The following RUNX2 variants were observed in gnomAD, a reference collection of about 807,000 sequenced individuals.
RUNX2 encodes the protein runt-related transcription factor 2.
A neutral mutation model predicts 51.7 loss-of-function variants in RUNX2; 10 were observed. The observed-to-expected ratio is 0.19, with a 90% CI of 0.12 to 0.33. The LOEUF is 0.33. Ranked by LOEUF, RUNX2 falls within the 10% of genes least tolerant of loss-of-function variation. The pLI is 1.00. For synonymous variants in RUNX2, 276 were observed against 273.6 expected (o/e 1.01, Z -0.09); for missense variants, 562 against 691.3 (o/e 0.81, Z 2.10).
At chr6:45,409,382 C>T (rs1260419029) in intron 2 of RUNX2, among the ~76,000 whole-genome samples, 1 of 152,170 alleles carries the variant, frequency 6.6e-6, no homozygotes, top group Non-Finnish European at 1.5e-5. Flanking sequence ...TATTGATCTC[C>T]TGAGCCCTTA....
At chr6:45,383,184 C>G (rs1379498949) in intron 2 of RUNX2, among the ~76,000 whole-genome samples, 1 of 152,096 alleles carries the variant, frequency 6.6e-6, no homozygotes, top group Non-Finnish European at 1.5e-5. Context: ...CCTATAATTC[C>G]AGCACTTTGG....
intron 6 of RUNX2, among the ~76,000 whole-genome samples, chr6:45,512,001 T>C (rs941222149): frequency 8.5e-5 from 13 of 152,140 alleles, no homozygotes; most frequent in Non-Finnish European, 7.3e-5. Context: ...AGACAAATAG[T>C]CTTTATGCAT....
intron 5 of RUNX2, among the ~76,000 whole-genome samples, chr6:45,488,027 C>T (rs918665326): frequency 6.6e-6 from 1 of 152,026 alleles, no homozygotes; most frequent in Non-Finnish European, 1.5e-5. Flanking sequence ...TACAAGGAAT[C>T]AGGGGAGAGC....
At chr6:45,338,531 A>G (rs1789095044) in intron 2 of RUNX2, among the ~76,000 whole-genome samples, 1 of 152,118 alleles carries the variant, frequency 6.6e-6, no homozygotes, top group Non-Finnish European at 1.5e-5. Context: ...GGTAGCTGCC[A>G]GTAGGTAAAA....
intron 7 of RUNX2, among the ~76,000 whole-genome samples, chr6:45,519,900 T>C (rs1801452999): frequency 6.6e-6 from 1 of 151,340 alleles, no homozygotes; most frequent in Non-Finnish European, 1.5e-5. Context: ...TGATCTCGGC[T>C]CATGGCAACC....
intron 2 of RUNX2, among the ~76,000 whole-genome samples, chr6:45,369,312 ACCCAAACT>A (rs1795656333): frequency 1.3e-5 from 2 of 152,050 alleles, no homozygotes; most frequent in Non-Finnish European, 2.9e-5. Context: ...CTCTCAACCT[ACCCAAACT>A]CTACTGACCT....
intron 7 of RUNX2, among the ~76,000 whole-genome samples, chr6:45,518,213 T>C (rs1801391312): frequency 6.6e-6 from 1 of 152,244 alleles, no homozygotes; most frequent in Admixed American, 6.5e-5. Context: ...GTAACTCTTA[T>C]TTTGAAGAAG....
chr6:45,399,953 C>A (rs909836491), intron 2 of RUNX2, among the ~76,000 whole-genome samples: 1 of 125,948 alleles, frequency 7.9e-6, no homozygotes, highest in Non-Finnish European at 1.6e-5. Context: ...AAGATGAATT[C>A]ATTTTCTTTA....
intron 2 of RUNX2, among the ~76,000 whole-genome samples, chr6:45,403,774 G>A (rs1038488422): frequency 6.6e-6 from 1 of 152,094 alleles, no homozygotes; most frequent in African/African-American, 2.4e-5. Flanking sequence ...TGTGTGACTT[G>A]GGGGAAGAGG....
intron 2 of RUNX2, among the ~76,000 whole-genome samples, chr6:45,404,259 C>CAAAAAAA (rs34529128): frequency 5.5e-4 from 14 of 25,550 alleles, no homozygotes; most frequent in East Asian, 2.9e-3. Flanking sequence ...GACTCTGTCT[C>CAAAAAAA]AAAAAAAAAA....
chr6:45,447,148 G>C (rs142672272), intron 5 of RUNX2, among the ~76,000 whole-genome samples: 1 of 152,338 alleles, frequency 6.6e-6, no homozygotes, highest in East Asian at 1.9e-4. Flanking sequence ...GAAGATAGGG[G>C]AGGAGTGGTC....
rs193273777 is a variant in RUNX2, at chr6:45,393,602, G to A, written c.59-28991G>A. ...CCGCCACCACCCCGGCTAATTTTTCGTATTTTTAGTAGAGACGGGATTTCA... is the reference window on the plus strand; with the variant it reads ...CCGCCACCACCCCGGCTAATTTTTCATATTTTTAGTAGAGACGGGATTTCA... On this transcript the variant is annotated intron_variant, in intron 2 of 8. Transcript: ENST00000647337. Among the ~76,000 whole-genome samples the A allele has an allele frequency of 7.2e-3, 1,100 of 152,000 alleles. 10 individuals are homozygous for A. The highest frequency in any genetic ancestry group is 0.027 in the Middle Eastern group (8 of 292).
intron 5 of RUNX2, among the ~76,000 whole-genome samples, chr6:45,485,836 G>A (rs1800268342): frequency 6.6e-6 from 1 of 151,218 alleles, no homozygotes; most frequent in African/African-American, 2.4e-5. Flanking sequence ...AACCTTCAAG[G>A]ACAGGCATCA....
intron 2 of RUNX2, among the ~76,000 whole-genome samples, chr6:45,344,117 A>G (rs537381613): frequency 2.9e-4 from 44 of 152,318 alleles, no homozygotes; most frequent in Non-Finnish European, 5.9e-4. Flanking sequence ...TTATTCGGAG[A>G]GATAAAAGTT....
At position 45,427,255 on chromosome 6, in the gene RUNX2, T is replaced by G. The variant is rs1798408023; in HGVS notation, c.423+4298T>G. Among the ~76,000 whole-genome samples, 2 of 152,106 alleles carry G rather than the reference T, an allele frequency of 1.3e-5. 1 individual carries two copies. The highest frequency in any genetic ancestry group is 4.1e-4 in the South Asian group (2 of 4,834). On this transcript the variant is annotated intron_variant, in intron 3 of 8. Transcript: ENST00000647337. Reference sequence around the variant, plus strand: ...GGTATGGTAGATATCTTTCATTATTTTTTCCTCTTTGGCATTATTGTTTGT... The same window carrying G: ...GGTATGGTAGATATCTTTCATTATTGTTTCCTCTTTGGCATTATTGTTTGT...
At chr6:45,507,992 A>G (rs1245139539) in intron 6 of RUNX2, among the ~76,000 whole-genome samples, 3 of 152,124 alleles carry the variant, frequency 2.0e-5, no homozygotes, top group Admixed American at 6.6e-5. Context: ...ATTTACTCCC[A>G]TTTTATAGAT....
rs1293178396 is a variant in RUNX2 at position 45,506,945 on chromosome 6, C to T, written c.860-5301C>T. On this transcript the variant is annotated intron_variant, in intron 6 of 8. Coordinates refer to ENST00000647337, the MANE Select transcript of RUNX2 (RefSeq NM_001024630.4). ...TACTGAGATTCCAGGCCTGAGCCAC[C>T]GTGCCTGGCAACAGTTTTCTTTCCT... 6.6e-5 allele frequency among the ~76,000 whole-genome samples: 10 copies of T among 151,772 alleles called. No homozygotes were observed. In the East Asian group the frequency reaches 7.7e-4, roughly 12 times the overall value.
intron 2 of RUNX2, among the ~76,000 whole-genome samples, chr6:45,388,752 G>T (rs1208593642): frequency 6.6e-6 from 1 of 152,088 alleles, no homozygotes; most frequent in Non-Finnish European, 1.5e-5. Context: ...TTTCTCTCTA[G>T]AAATGGGTGT....
At chr6:45,419,406 A>C (rs1798129598) in intron 2 of RUNX2, among the ~76,000 whole-genome samples, 1 of 152,148 alleles carries the variant, frequency 6.6e-6, no homozygotes, top group Non-Finnish European at 1.5e-5. Context: ...AACATGCCCA[A>C]AGTAAAACTA....
Sources: allele counts gnomAD v4.1 joint callset (sites outside exome capture counted in the v4.1 genomes callset), GRCh38; gene constraint gnomAD v4.1.1; transcripts MANE v1.5; gene names NCBI Gene and HGNC (gene_info 2026-07-23, HGNC 2026-07-21).